The following TNS1 variants were observed in gnomAD, a reference collection of about 807,000 sequenced individuals.
The protein encoded by TNS1 is tensin-1.
A neutral mutation model predicts 168.6 loss-of-function variants in TNS1; 62 were observed. The observed-to-expected ratio is 0.37, with a 90% CI of 0.30 to 0.45. The LOEUF (loss-of-function observed/expected upper bound fraction) is 0.45, where lower values mean the gene tolerates loss of function less well. Among genes scored for constraint, TNS1 ranks in the 20% least tolerant of loss-of-function variants. The probability of loss-of-function intolerance (pLI) is 1.00; values close to 1 mark genes in which losing one functional copy is unlikely to be tolerated. For missense variants in TNS1, 2,240 were observed against 2,339.4 expected (o/e 0.96, Z 0.88); for synonymous variants, 934 against 933.2 (o/e 1.00, Z -0.02).
At chr2:217,874,177 T>C (rs975925729) in intron 18 of TNS1, among the ~76,000 whole-genome samples, 9 of 152,166 alleles carry the variant, frequency 5.9e-5, no homozygotes, top group Non-Finnish European at 1.0e-4. Context: ...GGATGGAACT[T>C]GCCCCAGTGT....
intron 3 of TNS1, among the ~76,000 whole-genome samples, chr2:217,975,823 C>T (rs530986736): frequency 6.6e-6 from 1 of 152,264 alleles, no homozygotes; most frequent in East Asian, 1.9e-4. Flanking sequence ...TGGCTAGCAC[C>T]ATGGACTAAG....
intron 32 of TNS1, among the ~76,000 whole-genome samples, chr2:217,804,995 T>G (rs1326594021): frequency 6.9e-6 from 1 of 144,774 alleles, no homozygotes; most frequent in African/African-American, 2.5e-5. Context: ...ACAACACATA[T>G]GCCAATCAGG....
chr2:217,972,883 T>C (rs1376072643), intron 3 of TNS1, among the ~76,000 whole-genome samples: 1 of 152,252 alleles, frequency 6.6e-6, no homozygotes, highest in Non-Finnish European at 1.5e-5. Context: ...TTCTGTACTA[T>C]CCTTTGCAAC....
intron 6 of TNS1, chr2:217,903,639 C>G (rs1404219332): frequency 3.3e-5 from 51 of 1,529,032 alleles, no homozygotes; most frequent in Non-Finnish European, 4.4e-5. Flanking sequence ...GAAAGGGCAC[C>G]ATGAAAGGAA....
rs1940499262 is a variant in TNS1 at position 217,809,830 on chromosome 2, G to C, written c.5266C>G (p.Gln1756Glu). 1.2e-6 allele frequency: 2 copies of C among 1,613,154 alleles called. No individual in the cohort carries two copies. The highest frequency in any genetic ancestry group is 3.3e-5 in the Admixed American group (2 of 59,970). The stretch of plus-strand genomic sequence containing the variant: ...CAGGCAGGGGAGTCTTACTTTCTCT[G>C]GTTGTCAGTCAGAGTGATTCCCTGG... ...SAQGITLTDN[Q>E]RKLFFRRHYP... is the part of the protein sequence containing the mutation. The change falls in exon 30 of 33, where the codon CAG (glutamine) becomes GAG (glutamate). Residue 1756 changes from glutamine (Q) to glutamate (E), a missense_variant. Transcript: ENST00000682258.
intron 18 of TNS1, chr2:217,850,673 GA>G: frequency 1.1e-6 from 1 of 933,678 alleles, no homozygotes; most frequent in Non-Finnish European, 1.3e-6. Context: ...CGTTAGCAAG[GA>G]AAAAAGCCAG....
At chr2:217,976,210 A>G (rs1053730140) in intron 3 of TNS1, among the ~76,000 whole-genome samples, 1 of 152,156 alleles carries the variant, frequency 6.6e-6, no homozygotes, top group Admixed American at 6.5e-5. Flanking sequence ...TGCAAGACCC[A>G]TGAGGGCCAA....
chr2:217,901,583 C>G (rs1952984990), intron 6 of TNS1: 1 of 152,268 alleles, frequency 6.6e-6, no homozygotes, highest in African/African-American at 2.4e-5. Context: ...CCCATTGACA[C>G]CTTCCAAACA....
chr2:217,941,779 C>T (rs1008265830), intron 3 of TNS1, among the ~76,000 whole-genome samples: 18 of 152,356 alleles, frequency 1.2e-4, no homozygotes, highest in Middle Eastern at 3.4e-3. Context: ...GATAGCCCAT[C>T]CTCCTGCTGA....
chr2:217,859,628 C>A (rs1401019622), intron 18 of TNS1: 3 of 1,535,932 alleles, frequency 2.0e-6, no homozygotes, highest in Non-Finnish European at 2.6e-6. Context: ...GTGTGTCTGG[C>A]CAGGTATATT....
chr2:217,987,088 G>C (rs927637284), intron 2 of TNS1: 1 of 152,210 alleles, frequency 6.6e-6, no homozygotes, highest in African/African-American at 2.4e-5. Context: ...GTTATTAATT[G>C]ATTTATCCAA....
chr2:217,864,157 A>G (rs531150753), intron 18 of TNS1, among the ~76,000 whole-genome samples: 5 of 152,156 alleles, frequency 3.3e-5, no homozygotes, highest in Non-Finnish European at 5.9e-5. Flanking sequence ...TTTGTGTTGG[A>G]TGAGGGTCGG....
At chr2:217,917,275 G>C (rs908172009) in intron 4 of TNS1, among the ~76,000 whole-genome samples, 1 of 152,188 alleles carries the variant, frequency 6.6e-6, no homozygotes, top group African/African-American at 2.4e-5. Flanking sequence ...CAGACATCGG[G>C]CTGAATGCCT....
chr2:217,926,066 C>T (rs1956008940), intron 3 of TNS1, among the ~76,000 whole-genome samples: 1 of 152,072 alleles, frequency 6.6e-6, no homozygotes, highest in Admixed American at 6.5e-5. Context: ...TGACTGGTGT[C>T]CTTGTAAGTA....
At chr2:217,957,044 T>C (rs774419137) in intron 3 of TNS1, among the ~76,000 whole-genome samples, 4 of 152,022 alleles carry the variant, frequency 2.6e-5, no homozygotes, top group Admixed American at 2.0e-4. Context: ...TGGCTAGCAA[T>C]GAAAGCACAG....
rs372055298 is a variant in TNS1 at position 217,920,208 on chromosome 2, T to A, written c.215A>T (p.Asn72Ile). The part of the protein sequence containing the change: ...KVAAPCVPPS[N>I]HELVPITTEN... ...GCTGTCACTCACCACCAGCTCATGGTTGGATGGAGGAACGCAGGGGGCAGC... is the reference window on the plus strand; with the variant it reads ...GCTGTCACTCACCACCAGCTCATGGATGGATGGAGGAACGCAGGGGGCAGC... The change falls in exon 4 of 33, where the codon AAC becomes ATC. Residue 72 changes from asparagine to isoleucine, a missense_variant. By Grantham distance (149) the Asn-to-Ile change is moderately radical (BLOSUM62 -3). This residue lies in a region of TNS1 where 2,131 missense variants were observed against 2,171.2 expected (regional missense o/e 0.98). Coordinates refer to ENST00000682258, the MANE Select transcript of TNS1 (RefSeq NM_001387777.1). The A allele has an allele frequency of 5.7e-6, 4 of 702,744 alleles. No individual in the cohort carries two copies. The East Asian group carries it at 1.1e-4, about 19-fold the overall frequency. The allele number at this position is 702,744 out of a possible 1,614,324, so 43.5% of individuals were successfully genotyped here. A position where few individuals can be genotyped will look rare whatever the true frequency, so the allele number is the denominator to read the frequency against.
intron 22 of TNS1, chr2:217,830,044 G>C (rs1944190703): frequency 1.0e-6 from 1 of 958,610 alleles, no homozygotes; most frequent in South Asian, 4.8e-5. Flanking sequence ...GGGAAAGCTG[G>C]GGTGAGGCCA....
intron 4 of TNS1, among the ~76,000 whole-genome samples, chr2:217,915,149 G>A (rs1049387431): frequency 6.6e-6 from 1 of 152,186 alleles, no homozygotes; most frequent in African/African-American, 2.4e-5. Flanking sequence ...AAATGCATCG[G>A]GTCGGAGTTC....
chr2:217,953,270 C>T (rs533251666), intron 3 of TNS1, among the ~76,000 whole-genome samples: 5 of 152,220 alleles, frequency 3.3e-5, no homozygotes, highest in African/African-American at 1.2e-4. Context: ...TGGGAGAGTG[C>T]GGGGCAACAG....
Sources: allele counts gnomAD v4.1 joint callset (sites outside exome capture counted in the v4.1 genomes callset), GRCh38; gene constraint gnomAD v4.1.1; regional missense constraint gnomAD v4.1.1; transcripts MANE v1.5; gene names NCBI Gene and HGNC (gene_info 2026-07-23, HGNC 2026-07-21).